Variants in NLK observed in about 807,000 individuals in gnomAD.
NLK encodes the protein serine/threonine-protein kinase NLK.
In NLK, 11 loss-of-function variants were observed where a neutral mutation model predicts 59.0. The observed-to-expected ratio is 0.19, with a 90% CI of 0.12 to 0.31. The LOEUF (loss-of-function observed/expected upper bound fraction) is 0.31. Ranked by LOEUF, NLK falls within the 10% of genes least tolerant of loss-of-function variation. The pLI is 1.00. For missense variants in NLK, 410 were observed against 661.1 expected, an observed-to-expected ratio of 0.62 and a Z score of 4.16; for synonymous variants, 235 against 235.9, an observed-to-expected ratio of 1.00 and a Z score of 0.03.
At chr17:28,043,451 C>T (rs1908943231) in intron 1 of NLK, 120 bp downstream of exon 1, 1 of 846,304 alleles carries the variant, frequency 1.2e-6, no homozygotes. Context: ...CTCAACCCAA[C>T]TGTAGGAAGC....
chr17:28,180,249 A>C (rs1421045666), intron 7 of NLK, among the ~76,000 whole-genome samples: 1 of 152,188 alleles, frequency 6.6e-6, no homozygotes, highest in Non-Finnish European at 1.5e-5. Flanking sequence ...GAAAATTAAA[A>C]TTTCAGGTAG....
chr17:28,131,886 A>T (rs1169451260), intron 2 of NLK, among the ~76,000 whole-genome samples: 3 of 152,174 alleles, frequency 2.0e-5, no homozygotes, highest in Non-Finnish European at 4.4e-5. Flanking sequence ...AGTATGATTT[A>T]AAGAGACTTT....
At chr17:28,113,016 A>G (rs1326111298) in intron 1 of NLK, among the ~76,000 whole-genome samples, 1 of 152,234 alleles carries the variant, frequency 6.6e-6, no homozygotes, top group African/African-American at 2.4e-5. Flanking sequence ...ATGTATATCT[A>G]TATGAAAAAT....
intron 2 of NLK, among the ~76,000 whole-genome samples, chr17:28,130,918 A>T (rs1906492237): frequency 6.6e-6 from 1 of 152,150 alleles, no homozygotes; most frequent in Non-Finnish European, 1.5e-5. Context: ...CATCTGTCAT[A>T]TGAAAAAAAT....
At chr17:28,158,295 G>A (rs1274044263) in intron 3 of NLK, among the ~76,000 whole-genome samples, 2 of 152,106 alleles carry the variant, frequency 1.3e-5, no homozygotes, top group African/African-American at 4.8e-5. Context: ...ACATAGAAAA[G>A]GTACAGTAAA....
At chr17:28,149,528 C>T (rs966448353) in intron 3 of NLK, among the ~76,000 whole-genome samples, 4 of 152,086 alleles carry the variant, frequency 2.6e-5, no homozygotes, top group African/African-American at 9.7e-5. Flanking sequence ...GTTGAAATCT[C>T]TTTAGTTATT....
Position 28,043,228 on chromosome 17 carries a change from G to C in NLK, c.355G>C (p.Ala119Pro). The C allele has an allele frequency of 6.2e-7, 1 of 1,613,948 alleles. No individual in the cohort carries two copies. The highest frequency in any genetic ancestry group is 8.5e-7 in the Non-Finnish European group (1 of 1,179,872). ...APAQVQAAAA[A>P]TVKAHHHQHS... The stretch of plus-strand genomic sequence containing the variant: ...AGCTCAGGTACAGGCTGCCGCAGCT[G>C]CTACAGTTAAGGCGCACCATCATCA... Residue 119 changes from alanine (A) to proline (P), a missense_variant, in exon 1 of 11, where the codon GCT becomes CCT. Physicochemically the swap from Ala to Pro is conservative, Grantham distance 27. Transcript: ENST00000407008.
intron 1 of NLK, among the ~76,000 whole-genome samples, chr17:28,078,503 G>A (rs955215447): frequency 2.6e-5 from 4 of 152,078 alleles, no homozygotes; most frequent in Admixed American, 6.6e-5. Context: ...AGACTTTGTC[G>A]GGGGTCATTC....
chr17:28,111,397 C>G (rs946393971), intron 1 of NLK, among the ~76,000 whole-genome samples: 9 of 151,830 alleles, frequency 5.9e-5, no homozygotes, highest in Non-Finnish European at 1.2e-4. Context: ...CCATGTTGGC[C>G]AGGCTGACCT....
chr17:28,181,249 AATTAGCC>A (rs1908892619), intron 7 of NLK, among the ~76,000 whole-genome samples: 1 of 152,104 alleles, frequency 6.6e-6, no homozygotes, highest in South Asian at 2.1e-4. Flanking sequence ...AATACAAAAA[AATTAGCC>A]ACGCGTGTGG....
chr17:28,137,372 A>G (rs188833120), intron 3 of NLK, among the ~76,000 whole-genome samples: 42 of 152,258 alleles, frequency 2.8e-4, no homozygotes, highest in Admixed American at 1.1e-3. Context: ...AAAAATATAT[A>G]TTTATATTAC....
intron 1 of NLK, among the ~76,000 whole-genome samples, chr17:28,104,979 C>T (rs1262583297): frequency 6.6e-6 from 1 of 152,176 alleles, no homozygotes; most frequent in Non-Finnish European, 1.5e-5. Flanking sequence ...ATTATTGAAT[C>T]CCAGTTTTAG....
At chr17:28,148,159 G>C (rs1363029306) in intron 3 of NLK, among the ~76,000 whole-genome samples, 2 of 151,984 alleles carry the variant, frequency 1.3e-5, no homozygotes, top group African/African-American at 2.4e-5. Context: ...TCAAAGGCCT[G>C]TCCTGTATTT....
chr17:28,112,117 T>C (rs1168775918), intron 1 of NLK, among the ~76,000 whole-genome samples: 1 of 152,214 alleles, frequency 6.6e-6, no homozygotes, highest in East Asian at 1.9e-4. Flanking sequence ...TAGCCAGGAC[T>C]GTGTGGGGGA....
Position 28,172,612 on chromosome 17 carries a change from TAAA to T in NLK, c.1144_1146del (p.Lys382del), listed in dbSNP as rs1908509975. The T allele has an allele frequency of 6.5e-7, 1 of 1,550,324 alleles. No homozygotes were observed. Among genetic ancestry groups the T allele is most frequent in the Non-Finnish European group, 8.7e-7 (1 of 1,147,334 alleles). Reference sequence around the variant, plus strand: ...AGGCACATATACTCAGGGGTCCTCATAAACAGGTGAGAGGAGGGGGGAATCTTT... The same window carrying T: ...AGGCACATATACTCAGGGGTCCTCATCAGGTGAGAGGAGGGGGGAATCTTT... On this transcript the variant is annotated inframe_deletion, in exon 7 of 11. Coordinates refer to ENST00000407008, the MANE Select transcript of NLK (RefSeq NM_016231.5).
intron 1 of NLK, among the ~76,000 whole-genome samples, chr17:28,083,634 T>A (rs1242525155): frequency 6.6e-6 from 1 of 152,166 alleles, no homozygotes; most frequent in Non-Finnish European, 1.5e-5. Flanking sequence ...TTATGATTTT[T>A]GTTGTTGTTG....
intron 3 of NLK, among the ~76,000 whole-genome samples, chr17:28,135,598 T>C (rs915076030): frequency 1.3e-5 from 2 of 152,222 alleles, no homozygotes; most frequent in African/African-American, 2.4e-5. Context: ...TTGAAGACTT[T>C]CGGAATGTGC....
chr17:28,125,028 C>T (rs1906237437), intron 2 of NLK, among the ~76,000 whole-genome samples: 1 of 151,332 alleles, frequency 6.6e-6, no homozygotes, highest in African/African-American at 2.4e-5. Context: ...AGCCTGGGCA[C>T]AGAGCAAGAT....
At chr17:28,168,958 T>C (rs910938703) in intron 6 of NLK, among the ~76,000 whole-genome samples, 2 of 152,208 alleles carry the variant, frequency 1.3e-5, no homozygotes, top group African/African-American at 4.8e-5. Context: ...CCATTTTGGC[T>C]CACTGCAACC....
Sources: gnomAD v4.1 joint callset for allele counts (sites outside exome capture counted in the v4.1 genomes callset) on GRCh38, gnomAD v4.1.1 for gene constraint, MANE v1.5 for transcripts, NCBI Gene and HGNC (gene_info 2026-07-23, HGNC 2026-07-21) for gene names.